The following PTPRN2 variants were observed in gnomAD, a reference collection of about 807,000 sequenced individuals.
The protein encoded by PTPRN2 is protein tyrosine phosphatase receptor type N2.
PTPRN2 carries 74 observed loss-of-function variants against 118.8 expected under a neutral mutation model. The ratio of observed to expected loss-of-function variants is 0.62; its 90% CI spans 0.52 to 0.76. PTPRN2 has a LOEUF of 0.76. PTPRN2 is among the 30% of genes least tolerant of loss of function. PTPRN2 has a pLI of 0.00. For missense variants in PTPRN2, 1,481 were observed against 1,394.4 expected (o/e 1.06, Z -0.99); for synonymous variants, 641 against 608.0 (o/e 1.05, Z -0.80).
At chr7:158,133,467 G>A (rs1020391557) in intron 9 of PTPRN2, among the ~76,000 whole-genome samples, 5 of 152,194 alleles carry the variant, frequency 3.3e-5, no homozygotes, top group African/African-American at 1.2e-4. Context: ...TCCAGCTCTG[G>A]AGCCCAGCTC....
Position 158,149,295 on chromosome 7 carries a change from C to G in PTPRN2, c.911-10780G>C, listed in dbSNP as rs145757514. 4.8e-3 allele frequency among the ~76,000 whole-genome samples: 735 copies of G among 152,256 alleles called. 6 individuals are homozygous for G. The highest frequency in any genetic ancestry group is 6.1e-3 in the Non-Finnish European group (413 of 68,026). ...AAAAGACCTCCAAACTTTTATAAAG[C>G]AATGTCATCAATGTGTAAATCACTG... On this transcript the variant is annotated intron_variant, in intron 6 of 22. Transcript: ENST00000389418.
rs1333990295 is a variant in PTPRN2, at chr7:158,546,791, T to G, written c.112+40767A>C. Among the ~76,000 whole-genome samples the G allele has an allele frequency of 1.3e-5, 2 of 152,222 alleles. No individual in the cohort carries two copies. The highest frequency in any genetic ancestry group is 3.9e-4 in the East Asian group (2 of 5,194). ...CAAGTTCTTGTGAGTTGAGCACGTC[T>G]CACGTATGCACCAACATGCAGATGC... On this transcript the variant is annotated intron_variant, in intron 1 of 22. Coordinates refer to ENST00000389418, the MANE Select transcript of PTPRN2 (RefSeq NM_002847.5). The surrounding 1 kb of genome is among the most constrained non-coding windows in gnomAD (Gnocchi z 5.0).
intron 12 of PTPRN2, among the ~76,000 whole-genome samples, chr7:157,897,866 G>A (rs1389092492): frequency 6.6e-6 from 1 of 152,272 alleles, no homozygotes; most frequent in African/African-American, 2.4e-5. Flanking sequence ...TATCTCTAAT[G>A]GCGAGCGCTG....
rs745947464 is a variant in PTPRN2 at position 157,604,065 on chromosome 7, G to T, written c.2355C>A (p.Ser785=). The T allele has an allele frequency of 6.8e-6, 11 of 1,613,734 alleles. No homozygotes were observed. The highest frequency in any genetic ancestry group is 6.7e-5 in the East Asian group (3 of 44,888). ...RSLAVLTYDH[S]RVLLKAENSH... Reference sequence around the variant, plus strand: ...TGTTCTCCGCCTTCAGCAGGACCCGGGAGTGGTCATCTGCAAGGACACAGT... The same window carrying T: ...TGTTCTCCGCCTTCAGCAGGACCCGTGAGTGGTCATCTGCAAGGACACAGT... Residue 785 remains serine (S), a synonymous_variant, in exon 16 of 23, where the codon TCC becomes TCA. Coordinates refer to ENST00000389418, the MANE Select transcript of PTPRN2 (RefSeq NM_002847.5).
chr7:158,375,970 T>C (rs1365889079), intron 2 of PTPRN2, among the ~76,000 whole-genome samples: 2 of 152,174 alleles, frequency 1.3e-5, no homozygotes, highest in African/African-American at 4.8e-5. Context: ...TGTGACCTGA[T>C]TCTTCCTGGA....
At chr7:158,478,548 G>A (rs748002246) in intron 2 of PTPRN2, among the ~76,000 whole-genome samples, 41 of 152,100 alleles carry the variant, frequency 2.7e-4, no homozygotes, top group African/African-American at 9.4e-4. Flanking sequence ...TGGGAATAAC[G>A]CCAAAATTAA....
chr7:157,848,379 C>T (rs531479246), intron 12 of PTPRN2, among the ~76,000 whole-genome samples: 9 of 150,640 alleles, frequency 6.0e-5, no homozygotes, highest in African/African-American at 2.2e-4. Context: ...AGCCCTCTTT[C>T]ATTACATCAT....
rs117037944 is a variant in PTPRN2, at chr7:158,433,923, T to C, written c.163+55812A>G. On this transcript the variant is annotated intron_variant, in intron 2 of 22. Transcript: ENST00000389418. Reference sequence around the variant, plus strand: ...AGTTCACAATATTTTCAGATTTCTATTGACATTTCTTCTTTGACAAATGGG... The same window carrying C: ...AGTTCACAATATTTTCAGATTTCTACTGACATTTCTTCTTTGACAAATGGG... Among the ~76,000 whole-genome samples the C allele has an allele frequency of 7.0e-4, 107 of 152,318 alleles. 2 individuals are homozygous for C. The East Asian group carries it at 0.02, about 29-fold the overall frequency.
chr7:158,455,644 C>T (rs1818398392), intron 2 of PTPRN2, among the ~76,000 whole-genome samples: 1 of 78,392 alleles, frequency 1.3e-5, no homozygotes, highest in East Asian at 5.1e-4. Context: ...CATCGCTCTG[C>T]AGAGAAGACA....
chr7:158,371,236 T>G (rs1809965996), intron 2 of PTPRN2, among the ~76,000 whole-genome samples: 1 of 152,052 alleles, frequency 6.6e-6, no homozygotes, highest in African/African-American at 2.4e-5. Flanking sequence ...AAAACCTTTT[T>G]TTGGTAGGAA....
rs1374169814 is a variant in PTPRN2 at position 157,615,759 on chromosome 7, A to G, written c.2344+5603T>C. On this transcript the variant is annotated intron_variant, in intron 15 of 22. Coordinates refer to ENST00000389418, the MANE Select transcript of PTPRN2 (RefSeq NM_002847.5). This position sits in a 1 kb window ranked among gnomAD's most constrained non-coding sequence, Gnocchi z 4.3. Reference sequence around the variant, plus strand: ...CACAAGCTCTGGAGGCTGAACGAGAATCGGTTACAGGAGATGAACACAAGG... The same window carrying G: ...CACAAGCTCTGGAGGCTGAACGAGAGTCGGTTACAGGAGATGAACACAAGG... The G allele has an allele frequency of 5.2e-6, 2 of 384,728 alleles. No homozygotes were observed. Among genetic ancestry groups the G allele is most frequent in the African/African-American group, 4.2e-5 (2 of 47,966 alleles). The allele number at this position is 384,728 out of a possible 1,614,324, so 23.8% of individuals were successfully genotyped here.
At position 158,326,326 on chromosome 7, in the gene PTPRN2, A is replaced by G. The variant is rs111593462; in HGVS notation, c.164-9394T>C. ...GCAGTGCCAGTTCTTCATCCGAGAC[A>G]TCGCTCAGGAGCCCTGCTCTGGCTC... is the stretch of plus-strand genomic sequence containing the variant. On this transcript the variant is annotated intron_variant, in intron 2 of 22. Coordinates refer to ENST00000389418, the MANE Select transcript of PTPRN2 (RefSeq NM_002847.5). Among the ~76,000 whole-genome samples, 302 of 152,342 alleles carry G rather than the reference A, an allele frequency of 2.0e-3. 4 individuals are homozygous for G. The highest frequency in any genetic ancestry group is 6.5e-3 in the African/African-American group (272 of 41,578).
chr7:158,205,964 T>G (rs1827110464), intron 3 of PTPRN2, among the ~76,000 whole-genome samples: 1 of 152,162 alleles, frequency 6.6e-6, no homozygotes, highest in Non-Finnish European at 1.5e-5. Flanking sequence ...TGGGCTAAAG[T>G]GCTCTGGGGT....
At chr7:157,669,655 T>A in intron 13 of PTPRN2, 1 of 388,226 alleles carries the variant, frequency 2.6e-6, no homozygotes. Context: ...TTTCGCAAGA[T>A]GTTTTCTCAA....
At chr7:157,950,202 G>A (rs1316647574) in intron 11 of PTPRN2, among the ~76,000 whole-genome samples, 1 of 152,208 alleles carries the variant, frequency 6.6e-6, no homozygotes, top group Admixed American at 6.5e-5. Flanking sequence ...ATCTTCCTGT[G>A]AGATCATAAA....
chr7:157,797,618 G>A (rs1017237524), intron 12 of PTPRN2, among the ~76,000 whole-genome samples: 2 of 152,178 alleles, frequency 1.3e-5, no homozygotes, highest in East Asian at 1.9e-4. Context: ...GCTGTGGGAC[G>A]TACCACTCGG....
rs1445948568 is a variant in PTPRN2, at chr7:157,953,307, G to A, written c.1724-54570C>T. 6.6e-6 allele frequency among the ~76,000 whole-genome samples: 1 copy of A among 152,212 alleles called. No individual in the cohort carries two copies. The highest frequency in any genetic ancestry group is 6.5e-5 in the Admixed American group (1 of 15,286). The stretch of plus-strand genomic sequence containing the variant: ...CCTTCCTAGGGCCTGTGTCTCTGGA[G>A]TGCACGAGGCAGATGGATGGAGACG... On this transcript the variant is annotated intron_variant, in intron 11 of 22. Coordinates refer to ENST00000389418, the MANE Select transcript of PTPRN2 (RefSeq NM_002847.5). This position sits in a 1 kb window ranked among gnomAD's most constrained non-coding sequence, Gnocchi z 4.6.
intron 3 of PTPRN2, among the ~76,000 whole-genome samples, chr7:158,301,462 G>C (rs779935087): frequency 2.6e-5 from 4 of 152,176 alleles, no homozygotes; most frequent in African/African-American, 9.7e-5. Flanking sequence ...AGCTCCCGAG[G>C]TGCTTAGCAG....
intron 2 of PTPRN2, among the ~76,000 whole-genome samples, chr7:158,430,959 C>G (rs919616387): frequency 6.6e-6 from 1 of 152,178 alleles, no homozygotes; most frequent in Non-Finnish European, 1.5e-5. Flanking sequence ...TTGAGCAGAA[C>G]CAGAGCAGAC....
Sources: gnomAD v4.1 joint callset for allele counts (sites outside exome capture counted in the v4.1 genomes callset) on GRCh38, gnomAD v4.1.1 for gene constraint, Gnocchi (gnomAD v3.1) non-coding constraint, MANE v1.5 for transcripts, NCBI Gene and HGNC (gene_info 2026-07-23, HGNC 2026-07-21) for gene names.